The following PCDHGA2 variants were observed in gnomAD, a reference collection of about 807,000 sequenced individuals.
The protein encoded by PCDHGA2 is protocadherin gamma subfamily A, 2.
In PCDHGA2, 40 loss-of-function variants were observed where a neutral mutation model predicts 59.2. That is an observed-to-expected ratio of 0.68 (90% CI 0.52 to 0.88). The LOEUF is 0.88. Among genes scored for constraint, PCDHGA2 ranks in the 40% least tolerant of loss-of-function variants. PCDHGA2 has a pLI of 0.00. For synonymous variants in PCDHGA2, 560 were observed against 526.0 expected (o/e 1.06, Z -0.89); for missense variants, 1,226 against 1,204.0 (o/e 1.02, Z -0.27).
At chr5:141,357,260 C>A (rs1760525551) in intron 1 of PCDHGA2, 1 of 1,613,796 alleles carries the variant, frequency 6.2e-7, no homozygotes, top group Non-Finnish European at 8.5e-7. Flanking sequence ...CCAGACGACT[C>A]GGGCCTCACA....
chr5:141,383,170 G>A (rs1453801684), intron 1 of PCDHGA2: 2 of 1,614,008 alleles, frequency 1.2e-6, no homozygotes, highest in African/African-American at 2.7e-5. Flanking sequence ...GGGCAGGATA[G>A]ACCGGGAAGA....
intron 1 of PCDHGA2, among the ~76,000 whole-genome samples, chr5:141,447,244 A>T (rs1475037979): frequency 6.6e-6 from 1 of 152,062 alleles, no homozygotes; most frequent in Non-Finnish European, 1.5e-5. Flanking sequence ...GGTTCAAGTG[A>T]TTCTTCTGTC....
chr5:141,375,635 C>T (rs776372663), intron 1 of PCDHGA2: 4 of 1,614,096 alleles, frequency 2.5e-6, no homozygotes, highest in Non-Finnish European at 1.7e-6. Flanking sequence ...GTACGCCCTG[C>T]GCTCCTTCGA....
chr5:141,478,481 C>A, intron 1 of PCDHGA2: 1 of 1,613,576 alleles, frequency 6.2e-7, no homozygotes, highest in South Asian at 1.1e-5. Flanking sequence ...CCAGAACACG[C>A]TGCGGAGCTG....
rs369354938 is a variant in PCDHGA2, at chr5:141,404,125, T to C, written c.2424+62730T>C. 7.5e-4 allele frequency: 1,204 copies of C among 1,613,214 alleles called. 1 individual carries two copies. The highest frequency in any genetic ancestry group is 8.4e-4 in the Non-Finnish European group (986 of 1,179,494). On this transcript the variant is annotated intron_variant, in intron 1 of 3. Coordinates refer to ENST00000394576, the MANE Select transcript of PCDHGA2 (RefSeq NM_018915.4). Reference sequence around the variant, plus strand: ...TCTGTTCTATCCAGGAGAATCTATCTTTTACATTAGAAAATTCAGAAGAAG... The same window carrying C: ...TCTGTTCTATCCAGGAGAATCTATCCTTTACATTAGAAAATTCAGAAGAAG...
intron 1 of PCDHGA2, among the ~76,000 whole-genome samples, chr5:141,406,263 TC>T (rs1163660392): frequency 3.9e-5 from 6 of 151,964 alleles, no homozygotes; most frequent in Non-Finnish European, 8.8e-5. Flanking sequence ...CAAACGATCT[TC>T]CTGCTTCAGT....
chr5:141,511,400 T>A lies in PCDHGA2; in HGVS notation c.*227T>A, dbSNP rs1208021848. On this transcript the variant is annotated 3_prime_UTR_variant, in exon 4 of 4. Coordinates refer to ENST00000394576, the MANE Select transcript of PCDHGA2 (RefSeq NM_018915.4). ...AGTTCCGCTGGGAACCCCCATCCAA[T>A]CAACTGCTGTACCCATGGGGGTAGT... 1.1e-5 allele frequency: 11 copies of A among 982,132 alleles called. No individual in the cohort carries two copies. Among genetic ancestry groups the A allele is most frequent in the African/African-American group, 3.3e-5 (2 of 60,924 alleles). 60.8% of individuals were successfully genotyped at this position (982,132 alleles called of 1,614,324 possible).
In PCDHGA2 at chr5:141,344,381, T is replaced by G. The variant is rs746142169; in HGVS notation, c.2424+2986T>G. ...TTCTGGTTGAGGATAAATTGAAAAT[T>G]TTTGAAGTAGAAATAGAAATTAAAG... On this transcript the variant is annotated intron_variant, in intron 1 of 3. Transcript: ENST00000394576. 2.5e-6 allele frequency: 4 copies of G among 1,612,816 alleles called. No individual in the cohort carries two copies. The African/African-American group carries it at 4.0e-5, about 16-fold the overall frequency.
Position 141,341,066 on chromosome 5 carries a change from G to A in PCDHGA2, c.2095G>A (p.Ala699Thr). Reference sequence around the variant, plus strand: ...TCTGTACCTGGTGGTGGCGGTGGCCGCGGTCTCCTGCGTCTTCCTGGCCTT... The same window carrying A: ...TCTGTACCTGGTGGTGGCGGTGGCCACGGTCTCCTGCGTCTTCCTGGCCTT... ...LTLYLVVAVAAVSCVFLAFVI... is the reference protein window; with the variant it reads ...LTLYLVVAVATVSCVFLAFVI... The change falls in exon 1 of 4, where the codon GCG becomes ACG. Residue 699 changes from alanine (A) to threonine (T), a missense_variant. Ala to Thr is a moderately conservative substitution (Grantham distance 58). Coordinates refer to ENST00000394576, the MANE Select transcript of PCDHGA2 (RefSeq NM_018915.4). 1 of 1,614,200 alleles carries A rather than the reference G, an allele frequency of 6.2e-7. No homozygotes were observed. The highest frequency in any genetic ancestry group is 8.5e-7 in the Non-Finnish European group (1 of 1,180,038).
chr5:141,433,245 A>C, intron 1 of PCDHGA2: 3 of 1,459,776 alleles, frequency 2.1e-6, no homozygotes, highest in Non-Finnish European at 2.8e-6. Context: ...CCAAGCTGGA[A>C]TGCAGCGGTA....
chr5:141,364,339 T>A, intron 1 of PCDHGA2: 1 of 1,532,912 alleles, frequency 6.5e-7, no homozygotes. Context: ...CAATGGCGAG[T>A]CCACCTAGGG....
At chr5:141,430,928 C>A in intron 1 of PCDHGA2, 1 of 1,607,098 alleles carries the variant, frequency 6.2e-7, no homozygotes, top group Non-Finnish European at 8.5e-7. Context: ...GCTGGAGCCC[C>A]GGGAGCTCGC....
chr5:141,496,802 A>G (rs1483438160), intron 2 of PCDHGA2, among the ~76,000 whole-genome samples: 1 of 152,050 alleles, frequency 6.6e-6, no homozygotes, highest in Admixed American at 6.6e-5. Flanking sequence ...ACATTGGGCT[A>G]TAGGAGTGAA....
In PCDHGA2 at chr5:141,430,592, C is replaced by G; in HGVS notation, c.2425-64215C>G. The G allele has an allele frequency of 9.2e-6, 5 of 544,570 alleles. No individual in the cohort carries two copies. In the South Asian group the frequency reaches 3.1e-4, roughly 34 times the overall value. The allele number at this position is 544,570 out of a possible 1,614,324, so 33.7% of individuals were successfully genotyped here. ...AAGCGGAGATCCTGCTCGCCTTGCACGCGCCTGAAGCACAAAGCAGATAGC... is the reference window on the plus strand; with the variant it reads ...AAGCGGAGATCCTGCTCGCCTTGCAGGCGCCTGAAGCACAAAGCAGATAGC... On this transcript the variant is annotated intron_variant, in intron 1 of 3. Coordinates refer to ENST00000394576, the MANE Select transcript of PCDHGA2 (RefSeq NM_018915.4).
At chr5:141,478,524 C>T in intron 1 of PCDHGA2, 1 of 1,609,844 alleles carries the variant, frequency 6.2e-7, no homozygotes, top group Non-Finnish European at 8.5e-7. Flanking sequence ...GTGTTGGGTG[C>T]AGAGAGCGCC....
At chr5:141,494,069 C>T (rs1249076667) in intron 1 of PCDHGA2, among the ~76,000 whole-genome samples, 1 of 152,146 alleles carries the variant, frequency 6.6e-6, no homozygotes, top group Non-Finnish European at 1.5e-5. Context: ...GAGCTGGATC[C>T]CTCCCCGCTG....
chr5:141,355,406 G>T (rs1277213650), intron 1 of PCDHGA2: 1 of 1,614,106 alleles, frequency 6.2e-7, no homozygotes, highest in Non-Finnish European at 8.5e-7. Context: ...ATCGTCTCCA[G>T]AGGTAGGACG....
At position 141,339,713 on chromosome 5, in the gene PCDHGA2, C is replaced by A; in HGVS notation, c.742C>A (p.Arg248Ser). Residue 248 changes from arginine (R) to serine (S), a missense_variant, in exon 1 of 4, where the codon CGC (arginine) becomes AGC (serine). Transcript: ENST00000394576. ...NAPVFTQPEY[R>S]ISIPENTLVG... is the part of the protein sequence containing the mutation. ...GCCTGTTTTTACACAGCCCGAGTAC[C>A]GCATAAGCATTCCGGAGAATACGCT... 1 of 1,614,112 alleles carries A rather than the reference C, an allele frequency of 6.2e-7. No individual in the cohort carries two copies. The highest frequency in any genetic ancestry group is 8.5e-7 in the Non-Finnish European group (1 of 1,180,016).
chr5:141,383,563 C>A, intron 1 of PCDHGA2: 2 of 1,613,150 alleles, frequency 1.2e-6, no homozygotes, highest in Non-Finnish European at 1.7e-6. Context: ...CGACCCGCCC[C>A]GATCCAGCAC....
Sources: gnomAD v4.1 joint callset for allele counts (sites outside exome capture counted in the v4.1 genomes callset) on GRCh38, gnomAD v4.1.1 for gene constraint, MANE v1.5 for transcripts, NCBI Gene and HGNC (gene_info 2026-07-23, HGNC 2026-07-21) for gene names.